The following BCR variants were observed in gnomAD, a reference collection of about 807,000 sequenced individuals.
BCR encodes breakpoint cluster region protein.
Under a neutral mutation model 138.6 loss-of-function variants are expected in BCR, and 58 were observed. The ratio of observed to expected loss-of-function variants is 0.42; its 90% CI spans 0.34 to 0.52. The LOEUF (loss-of-function observed/expected upper bound fraction) is 0.52. Ranked by LOEUF, BCR falls within the 20% of genes least tolerant of loss-of-function variation. BCR has a pLI of 0.06. For missense variants in BCR, 1,599 were observed against 1,727.2 expected, an observed-to-expected ratio of 0.93 and a Z score of 1.32; for synonymous variants, 786 against 730.1, an observed-to-expected ratio of 1.08 and a Z score of -1.23.
At chr22:23,312,018 G>C (rs1164963677) in intron 19 of BCR, 182 bp downstream of exon 19, 1 of 1,243,774 alleles carries the variant, frequency 8.0e-7, no homozygotes, top group Non-Finnish European at 1.1e-6. Flanking sequence ...GTAGAAACCA[G>C]TTTTTAAACC....
intron 1 of BCR, among the ~76,000 whole-genome samples, chr22:23,210,585 C>G (rs1455702567): frequency 6.6e-6 from 1 of 152,170 alleles, no homozygotes; most frequent in African/African-American, 2.4e-5. Flanking sequence ...TTACCTTCAT[C>G]AAGATACACA....
chr22:23,262,965 AT>A (rs1182886077), intron 4 of BCR: 1 of 1,002,822 alleles, frequency 1.0e-6, no homozygotes, highest in Non-Finnish European at 1.3e-6. Context: ...GGCGAGAGGC[AT>A]CATCAAAGGA....
chr22:23,281,392 C>T (rs570363255), intron 8 of BCR, among the ~76,000 whole-genome samples: 45 of 152,286 alleles, frequency 3.0e-4, no homozygotes, highest in South Asian at 2.9e-3. Context: ...CCCTGGAGGA[C>T]GACTCGGGTG....
chr22:23,183,846 G>A (rs2072303290), intron 1 of BCR, among the ~76,000 whole-genome samples: 1 of 152,208 alleles, frequency 6.6e-6, no homozygotes, highest in African/African-American at 2.4e-5. Context: ...CTGTAGACTT[G>A]GCCATGTTGG....
rs1417872624 is a variant in BCR at position 23,181,132 on chromosome 22, T to C, written c.172T>C (p.Tyr58His). The change falls in exon 1 of 23, where the codon TAC becomes CAC. Residue 58 changes from tyrosine to histidine, a missense_variant. By Grantham distance (83) the Tyr-to-His change is moderately conservative. Around this residue, in one of 4 missense-constraint regions of BCR, gnomAD observed 806 missense variants for 635.0 expected, o/e 1.27. Transcript: ENST00000305877. The part of the protein sequence containing the change: ...EVNQERFRMI[Y>H]LQTLLAKEKK... ...GAACCAGGAGCGCTTCCGCATGATC[T>C]ACCTGCAGACGTTGCTGGCCAAGGA... is the stretch of plus-strand genomic sequence containing the variant. The C allele has an allele frequency of 2.0e-6, 3 of 1,488,884 alleles. No homozygotes were observed. Among genetic ancestry groups the C allele is most frequent in the African/African-American group, 1.4e-5 (1 of 69,874 alleles). The allele number at this position is 1,488,884 out of a possible 1,614,324, so 92.2% of individuals were successfully genotyped here.
At chr22:23,211,267 G>A (rs1435967294) in intron 1 of BCR, among the ~76,000 whole-genome samples, 7 of 152,108 alleles carry the variant, frequency 4.6e-5, no homozygotes, top group Non-Finnish European at 7.4e-5. Context: ...GCGCGATCTC[G>A]GCTCACTGCA....
chr22:23,303,823 G>A (rs2073928790), intron 16 of BCR, among the ~76,000 whole-genome samples: 1 of 151,786 alleles, frequency 6.6e-6, no homozygotes, highest in African/African-American at 2.4e-5. Flanking sequence ...ACCATGAAAT[G>A]CATCCATTTT....
chr22:23,227,116 G>A (rs1419804657), intron 1 of BCR, among the ~76,000 whole-genome samples: 3 of 152,168 alleles, frequency 2.0e-5, no homozygotes, highest in African/African-American at 7.2e-5. Flanking sequence ...CTGACAAGCC[G>A]AATGATTGAT....
In BCR at chr22:23,181,790, A is replaced by C; in HGVS notation, c.830A>C (p.Gln277Pro). 6.2e-7 allele frequency: 1 copy of C among 1,608,676 alleles called. No individual in the cohort carries two copies. Among genetic ancestry groups the C allele is most frequent in the Non-Finnish European group, 8.5e-7 (1 of 1,179,964 alleles). ...CCCCCTTGGCCGCCCCTGGAGTACC[A>C]GCCCTACCAGAGCATCTACGTCGGG... ...SRPPWPPLEYQPYQSIYVGGM... is the reference protein window; with the variant it reads ...SRPPWPPLEYPPYQSIYVGGM... Residue 277 changes from glutamine to proline, a missense_variant, in exon 1 of 23, where the codon CAG becomes CCG. Around this residue, in one of 4 missense-constraint regions of BCR, gnomAD observed 806 missense variants for 635.0 expected, o/e 1.27. Coordinates refer to ENST00000305877, the MANE Select transcript of BCR (RefSeq NM_004327.4).
intron 1 of BCR, among the ~76,000 whole-genome samples, chr22:23,215,769 C>T (rs556452234): frequency 2.6e-5 from 4 of 152,206 alleles, no homozygotes; most frequent in South Asian, 4.1e-4. Context: ...GGGCCTTCTT[C>T]GTGGGTTGGG....
At chr22:23,284,923 A>T in intron 9 of BCR, 110 bp from the exon 10 acceptor site, 6 of 1,243,902 alleles carry the variant, frequency 4.8e-6, no homozygotes, top group Non-Finnish European at 6.7e-6. Flanking sequence ...GTTTTAGGTC[A>T]GGTAAACCAT....
intron 1 of BCR, among the ~76,000 whole-genome samples, chr22:23,247,571 T>G (rs5759663): frequency 0.53 from 80,806 of 151,960 alleles, 22,147 homozygotes; most frequent in African/African-American, 0.67. Context: ...TTGGCAGAGG[T>G]TGGGTCAGGG....
At chr22:23,283,665 CCTTCA>C in intron 8 of BCR, 1 of 275,302 alleles carries the variant, frequency 3.6e-6, no homozygotes, top group South Asian at 6.0e-5. Context: ...GCTGTGTGCC[CCTTCA>C]GACCCACACC....
At chr22:23,315,046 C>T (rs2074053335) in intron 22 of BCR, among the ~76,000 whole-genome samples, 1 of 152,168 alleles carries the variant, frequency 6.6e-6, no homozygotes, top group Non-Finnish European at 1.5e-5. Context: ...TGTGGCAAAC[C>T]CCATCTCTAG....
Position 23,180,863 on chromosome 22 carries a change from GGC to G in BCR, c.-97_-96del, listed in dbSNP as rs1296534396. On this transcript the variant is annotated 5_prime_UTR_variant, in exon 1 of 23. It removes the in-frame stop codon of an upstream open reading frame in the 5' UTR. Coordinates refer to ENST00000305877, the MANE Select transcript of BCR (RefSeq NM_004327.4). ...CCGCCGCCGCCGCGCGGGCCATGGG[GGC>G]CGCCCGGCGCCCGGGGCCGGGCTGG... 9 of 753,318 alleles carry G rather than the reference GGC, an allele frequency of 1.2e-5. No homozygotes were observed. The highest frequency in any genetic ancestry group is 1.6e-6 in the Non-Finnish European group (1 of 639,030). The allele number at this position is 753,318 out of a possible 1,614,324, so 46.7% of individuals were successfully genotyped here. A position where few individuals can be genotyped will look rare whatever the true frequency, so the allele number is the denominator to read the frequency against.
At chr22:23,272,183 G>T (rs911809061) in intron 6 of BCR, among the ~76,000 whole-genome samples, 1 of 152,202 alleles carries the variant, frequency 6.6e-6, no homozygotes, top group East Asian at 1.9e-4. Flanking sequence ...TCTGTGCAGA[G>T]CACAGGCTTT....
At chr22:23,185,547 C>T (rs2146194377) in intron 1 of BCR, among the ~76,000 whole-genome samples, 1 of 151,388 alleles carries the variant, frequency 6.6e-6, no homozygotes, top group East Asian at 2.0e-4. Flanking sequence ...CGCCTGTAGT[C>T]CCAGCTACTC....
At chr22:23,186,696 A>C (rs2072347493) in intron 1 of BCR, among the ~76,000 whole-genome samples, 1 of 152,062 alleles carries the variant, frequency 6.6e-6, no homozygotes, top group African/African-American at 2.4e-5. Context: ...ACCAATGTTC[A>C]TCCATGTGAT....
rs527754149 is a variant in BCR at position 23,312,810 on chromosome 22, C to G, written c.3323-77C>G. On this transcript the variant is annotated intron_variant, in intron 19 of 22. Transcript: ENST00000305877. ...AGTGGTCAGCATGGCAGGGACAGTG[C>G]TTTAGCCAAGGCAGGGATGGTGGGA... is the stretch of plus-strand genomic sequence containing the variant. The G allele has an allele frequency of 4.2e-4, 662 of 1,573,892 alleles. 3 individuals carry two copies. Among genetic ancestry groups the G allele is most frequent in the South Asian group, 1.4e-3 (128 of 89,082 alleles).
Sources: allele counts gnomAD v4.1 joint callset (sites outside exome capture counted in the v4.1 genomes callset), GRCh38; gene constraint gnomAD v4.1.1; regional missense constraint gnomAD v4.1.1; transcripts MANE v1.5; gene names NCBI Gene and HGNC (gene_info 2026-07-23, HGNC 2026-07-21).